DENND2D: variants seen among roughly 807,000 people sequenced by gnomAD.
The protein encoded by DENND2D is DENN domain containing 2D, also known as DENN domain-containing protein 2D.
In DENND2D, 37 loss-of-function variants were observed where a neutral mutation model predicts 59.8. That is an observed-to-expected ratio of 0.62 (90% CI 0.48 to 0.81). DENND2D has a LOEUF of 0.81. Among genes scored for constraint, DENND2D ranks in the 40% least tolerant of loss-of-function variants. The pLI is 0.00. For missense variants in DENND2D, 525 were observed against 579.7 expected (o/e 0.91, Z 0.97); for synonymous variants, 219 against 211.3 (o/e 1.04, Z -0.31).
At chr1:111,189,072 TGA>T in intron 9 of DENND2D, 138 bp downstream of exon 9, 3 of 979,824 alleles carry the variant, frequency 3.1e-6, no homozygotes, top group South Asian at 1.6e-5. Flanking sequence ...ATGGGCTCCT[TGA>T]GAGAGATGTG....
chr1:111,191,803 G>A (rs1024226403), intron 8 of DENND2D, among the ~76,000 whole-genome samples: 1 of 152,180 alleles, frequency 6.6e-6, no homozygotes, highest in Non-Finnish European at 1.5e-5. Context: ...ACACCCCGAA[G>A]ACTGCTCATT....
Position 111,200,394 on chromosome 1 carries a change from T to C in DENND2D, c.66A>G (p.Ala22=). Residue 22 remains alanine (A), a splice_region_variant and synonymous_variant, in exon 1 of 12, where the codon GCA becomes GCG. Coordinates refer to ENST00000357640, the MANE Select transcript of DENND2D (RefSeq NM_024901.5). ...GGAAGTAGGCAGTCCAGTCCTGACC[T>C]GCTCGGAGTTGAAGCAGTCGGCGTT... is the stretch of plus-strand genomic sequence containing the variant. ...LFQRRLLQLR[A]GPPQDNSGEA... The C allele has an allele frequency of 6.2e-7, 1 of 1,611,856 alleles. No individual in the cohort carries two copies. Among genetic ancestry groups the C allele is most frequent in the African/African-American group, 1.3e-5 (1 of 74,992 alleles).
At chr1:111,194,312 C>T (rs1387400994) in intron 7 of DENND2D, among the ~76,000 whole-genome samples, 1 of 152,180 alleles carries the variant, frequency 6.6e-6, no homozygotes, top group East Asian at 1.9e-4. Context: ...CTGGTCCCAC[C>T]CAGGCTGTCC....
chr1:111,197,674 T>C, intron 4 of DENND2D: 1 of 1,388,390 alleles, frequency 7.2e-7, no homozygotes, highest in Non-Finnish European at 9.3e-7. Context: ...GGAGAGGAGT[T>C]AGTTGTATTG....
Position 111,196,004 on chromosome 1 carries a change from GGGT to G in DENND2D, c.554_556del (p.Tyr185_Pro186delinsSer). ...TGCCTCTCGGAGGCCCTGCATGAACGGGTAGATGACAGCCATGGAGATCTGATG... is the reference window on the plus strand; with the variant it reads ...TGCCTCTCGGAGGCCCTGCATGAACGAGATGACAGCCATGGAGATCTGATG... On this transcript the variant is annotated inframe_deletion, in exon 6 of 12. Transcript: ENST00000357640. 1.2e-6 allele frequency: 2 copies of G among 1,613,870 alleles called. No homozygotes were observed. Among genetic ancestry groups the G allele is most frequent in the Non-Finnish European group, 1.7e-6 (2 of 1,179,920 alleles).
rs140029563 is a variant in DENND2D at position 111,188,296 on chromosome 1, A to G, written c.1174T>C (p.Ser392Pro). 3.1e-6 allele frequency: 5 copies of G among 1,614,004 alleles called. No homozygotes were observed. In the African/African-American group the frequency reaches 6.7e-5, roughly 22 times the overall value. The change falls in exon 11 of 12, where the codon TCC (serine) becomes CCC (proline). Residue 392 changes from serine to proline, a missense_variant. Physicochemically the swap from Ser to Pro is moderately conservative, Grantham distance 74 (BLOSUM62 -1). Coordinates refer to ENST00000357640, the MANE Select transcript of DENND2D (RefSeq NM_024901.5). ...FFVKIVGHYA[S>P]YIKREANGQG... ...CCATTTGCCTCCCGCTTGATATAGG[A>G]AGCATAATGGCCCACAATCTTGACA...
rs1377380121 is a variant in DENND2D, at chr1:111,189,315, AC to A, written c.973-63del. 3 of 1,587,796 alleles carry A rather than the reference AC, an allele frequency of 1.9e-6. No individual in the cohort carries two copies. The Admixed American group carries it at 5.0e-5, about 27-fold the overall frequency. ...TTCTTCATAGACCCCCAGAGGATTT[AC>A]CGTCTTGATTTCTGCCTGTGGCTGT... On this transcript the variant is annotated intron_variant, in intron 8 of 11. Coordinates refer to ENST00000357640, the MANE Select transcript of DENND2D (RefSeq NM_024901.5).
chr1:111,189,001 C>A (rs769654839), intron 9 of DENND2D, among the ~76,000 whole-genome samples: 1 of 152,036 alleles, frequency 6.6e-6, no homozygotes. Context: ...TGATTTATAT[C>A]CCTTGCTTAA....
rs771815611 is a variant in DENND2D at position 111,198,614 on chromosome 1, A to G, written c.356+16T>C. The G allele has an allele frequency of 1.1e-5, 18 of 1,613,002 alleles. No individual in the cohort carries two copies. The South Asian group carries it at 2.0e-4, about 18-fold the overall frequency. ...CTCCCCAAATCCAATACCCTTGCCC[A>G]GGGCTGAGCAATTACCTGGGATACT... On this transcript the variant is annotated intron_variant, in intron 3 of 11. Transcript: ENST00000357640.
chr1:111,193,789 A>G (rs777951337), intron 7 of DENND2D, among the ~76,000 whole-genome samples: 2 of 152,004 alleles, frequency 1.3e-5, no homozygotes, highest in African/African-American at 4.8e-5. Context: ...ATTCTATTAC[A>G]TCTCCCCACG....
In DENND2D at chr1:111,187,214, C is replaced by T. The variant is rs562236566; in HGVS notation, c.*391G>A. 1.1e-4 allele frequency: 19 copies of T among 178,154 alleles called. No individual in the cohort carries two copies. Among genetic ancestry groups the T allele is most frequent in the Non-Finnish European group, 2.0e-4 (17 of 84,758 alleles). 11.0% of individuals were successfully genotyped at this position (178,154 alleles called of 1,614,324 possible). On this transcript the variant is annotated 3_prime_UTR_variant, in exon 12 of 12. Transcript: ENST00000357640. The stretch of plus-strand genomic sequence containing the variant: ...CCTCTTTACTCTCGTCCTTACATGT[C>T]CACAGACTTCATGTAGAGAGGCTGA...
At position 111,199,603 on chromosome 1, in the gene DENND2D, G is replaced by T; in HGVS notation, c.243+20C>A. The T allele has an allele frequency of 6.2e-7, 1 of 1,604,988 alleles. No homozygotes were observed. The highest frequency in any genetic ancestry group is 8.5e-7 in the Non-Finnish European group (1 of 1,174,386). On this transcript the variant is annotated intron_variant, in intron 2 of 11. Coordinates refer to ENST00000357640, the MANE Select transcript of DENND2D (RefSeq NM_024901.5). ...ACACCCCAGTCCTCTGGCTGGCCCT[G>T]CCCCTCCTTCAGTCCTTACCTTGGG...
intron 10 of DENND2D, 22 bp downstream of exon 10, chr1:111,188,680 C>G (rs749020035): frequency 6.2e-7 from 1 of 1,603,644 alleles, no homozygotes; most frequent in South Asian, 1.1e-5. Flanking sequence ...TGGAGAGACC[C>G]AAAATAAGAG....
chr1:111,199,954 G>T, intron 1 of DENND2D, 156 bp from the exon 2 acceptor site: 1 of 929,754 alleles, frequency 1.1e-6, no homozygotes, highest in Non-Finnish European at 1.6e-6. Context: ...CAGGATCAGG[G>T]CCAAATGGGC....
At chr1:111,188,005 C>A in intron 11 of DENND2D, 126 bp downstream of exon 11, 1 of 1,357,226 alleles carries the variant, frequency 7.4e-7, no homozygotes, top group East Asian at 2.3e-5. Flanking sequence ...CATTTCAACT[C>A]CACTAATAAA....
intron 10 of DENND2D, 84 bp from the exon 11 acceptor site, chr1:111,188,454 G>C: frequency 6.4e-7 from 1 of 1,561,126 alleles, no homozygotes; most frequent in Non-Finnish European, 8.7e-7. Context: ...CTTTCTTGCA[G>C]GCGGAAAGCT....
chr1:111,197,290 C>T, intron 4 of DENND2D, 37 bp from the exon 5 acceptor site: 2 of 1,593,360 alleles, frequency 1.3e-6, no homozygotes, highest in Non-Finnish European at 1.7e-6. Flanking sequence ...AGTGCTGCAG[C>T]CTCCCCAAGG....
rs775397114 is a variant in DENND2D, at chr1:111,194,572, G to GC, written c.794+5dup. On this transcript the variant is annotated splice_donor_region_variant and intron_variant, in intron 7 of 11. Coordinates refer to ENST00000357640, the MANE Select transcript of DENND2D (RefSeq NM_024901.5). ...TTCAGGTGAGCCGTCCAGGGGCTGG[G>GC]CCCACCTGAGACCTTCCGCCAGGAA... 2 of 1,613,580 alleles carry GC rather than the reference G, an allele frequency of 1.2e-6. No individual in the cohort carries two copies. The highest frequency in any genetic ancestry group is 4.5e-5 in the East Asian group (2 of 44,878).
chr1:111,193,609 A>G (rs886986847), intron 7 of DENND2D, among the ~76,000 whole-genome samples: 2 of 152,184 alleles, frequency 1.3e-5, no homozygotes, highest in African/African-American at 4.8e-5. Context: ...TCTGAAACCC[A>G]TGGCATTCAC....
Sources: gnomAD v4.1 joint callset for allele counts (sites outside exome capture counted in the v4.1 genomes callset) on GRCh38, gnomAD v4.1.1 for gene constraint, MANE v1.5 for transcripts, NCBI Gene and HGNC (gene_info 2026-07-23, HGNC 2026-07-21) for gene names.